The following P2RY2 variants were observed in gnomAD, a reference collection of about 807,000 sequenced individuals.
P2RY2 encodes the protein P2Y purinoceptor 2.
For synonymous variants in P2RY2, 241 were observed against 231.9 expected, an observed-to-expected ratio of 1.04 and a Z score of -0.35; for missense variants, 567 against 515.7, an observed-to-expected ratio of 1.10 and a Z score of -0.96.
Position 73,238,604 on chromosome 11 carries a change from C to T in P2RY2, c.*3311C>T, listed in dbSNP as rs1021324779. Among the ~76,000 whole-genome samples, 10 of 152,202 alleles carry T rather than the reference C, an allele frequency of 6.6e-5. No individual in the cohort carries two copies. The highest frequency in any genetic ancestry group is 1.0e-4 in the Non-Finnish European group (7 of 68,038). On this transcript the variant is annotated 3_prime_UTR_variant, in exon 3 of 3. Transcript: ENST00000393597. ...AAGTCGTGTATTGACCCATGTCCCA[C>T]GCACCCTCTCATCTATGTTATATGG...
rs933274682 is a variant in P2RY2, at chr11:73,235,489, C to A, written c.*196C>A. ...AACTGTTCCCATAACCCCTAGTCAT[C>A]GTTTGTGTGTATAAGTTGGGGGAAT... On this transcript the variant is annotated 3_prime_UTR_variant, in exon 3 of 3. Coordinates refer to ENST00000393597, the MANE Select transcript of P2RY2 (RefSeq NM_002564.4). 27 of 1,321,122 alleles carry A rather than the reference C, an allele frequency of 2.0e-5. No homozygotes were observed. In the African/African-American group the frequency reaches 3.9e-4, roughly 19 times the overall value. 81.8% of individuals were successfully genotyped at this position (1,321,122 alleles called of 1,614,324 possible). A position where few individuals can be genotyped will look rare whatever the true frequency, so the allele number is the denominator to read the frequency against.
At chr11:73,220,451 T>C (rs933391665) in intron 1 of P2RY2, among the ~76,000 whole-genome samples, 9 of 152,184 alleles carry the variant, frequency 5.9e-5, no homozygotes, top group African/African-American at 2.2e-4. Flanking sequence ...CAGGAGTTGT[T>C]TGAACCCTAA....
chr11:73,219,700 C>G (rs995331898), intron 1 of P2RY2, among the ~76,000 whole-genome samples: 6 of 152,258 alleles, frequency 3.9e-5, no homozygotes, highest in African/African-American at 1.4e-4. Flanking sequence ...TTCCAGCCAC[C>G]TCTCCCGCCT....
rs983337739 is a variant in P2RY2, at chr11:73,241,418, G to C, written c.*6125G>C. 6.6e-6 allele frequency: 1 copy of C among 152,494 alleles called. No homozygotes were observed. Among genetic ancestry groups the C allele is most frequent in the Non-Finnish European group, 1.5e-5 (1 of 68,218 alleles). 9.4% of individuals were successfully genotyped at this position (152,494 alleles called of 1,614,324 possible). On this transcript the variant is annotated 3_prime_UTR_variant, in exon 3 of 3. Coordinates refer to ENST00000393597, the MANE Select transcript of P2RY2 (RefSeq NM_002564.4). ...GTTTCTTCATCTGGAAAATTGAACT[G>C]GTAATACCAATACCTCTTTTCCCGG... is the stretch of plus-strand genomic sequence containing the variant.
At position 73,236,859 on chromosome 11, in the gene P2RY2, G is replaced by A. The variant is rs749492791; in HGVS notation, c.*1566G>A. The A allele has an allele frequency of 3.9e-4, 381 of 985,238 alleles. No homozygotes were observed. Among genetic ancestry groups the A allele is most frequent in the Middle Eastern group, 5.2e-4 (1 of 1,936 alleles). 61.0% of individuals were successfully genotyped at this position (985,238 alleles called of 1,614,324 possible). ...AGTCTAGCCAGGACCACTCTGGGCT[G>A]ACGTGTGGCGCTCAGCTGGACAGGG... On this transcript the variant is annotated 3_prime_UTR_variant, in exon 3 of 3. Coordinates refer to ENST00000393597, the MANE Select transcript of P2RY2 (RefSeq NM_002564.4).
At position 73,234,733 on chromosome 11, in the gene P2RY2, T is replaced by C; in HGVS notation, c.574T>C (p.Phe192Leu). The change falls in exon 3 of 3, where the codon TTC (phenylalanine) becomes CTC (leucine). Residue 192 changes from phenylalanine (F) to leucine (L), a missense_variant. Coordinates refer to ENST00000393597, the MANE Select transcript of P2RY2 (RefSeq NM_002564.4). ...CCACGACACCTCGGCACCCGAGCTC[T>C]TCAGCCGCTTCGTGGCCTACAGCTC... The part of the protein sequence containing the change: ...TCHDTSAPEL[F>L]SRFVAYSSVM... 6.2e-7 allele frequency: 1 copy of C among 1,610,020 alleles called. No individual in the cohort carries two copies. The highest frequency in any genetic ancestry group is 8.5e-7 in the Non-Finnish European group (1 of 1,179,776).
Position 73,236,085 on chromosome 11 carries a change from C to T in P2RY2, c.*792C>T. On this transcript the variant is annotated 3_prime_UTR_variant, in exon 3 of 3. Transcript: ENST00000393597. ...AGTCTCATATCAGGGATCCTCTCTC[C>T]AGGCCCCAGGTCATCCCCCACTGTA... The T allele has an allele frequency of 2.0e-6, 2 of 997,000 alleles. No homozygotes were observed. Among genetic ancestry groups the T allele is most frequent in the Non-Finnish European group, 2.4e-6 (2 of 827,022 alleles). The allele number at this position is 997,000 out of a possible 1,614,324, so 61.8% of individuals were successfully genotyped here.
At chr11:73,224,073 G>T (rs1164576392) in intron 1 of P2RY2, among the ~76,000 whole-genome samples, 1 of 152,184 alleles carries the variant, frequency 6.6e-6, no homozygotes, top group Non-Finnish European at 1.5e-5. Context: ...GCCTCCTGAA[G>T]GGGGTGCCTA....
chr11:73,234,802 C>A lies in P2RY2; in HGVS notation c.643C>A (p.Leu215Ile). 6.2e-7 allele frequency: 1 copy of A among 1,611,932 alleles called. No homozygotes were observed. The highest frequency in any genetic ancestry group is 8.5e-7 in the Non-Finnish European group (1 of 1,179,966). The change falls in exon 3 of 3, where the codon CTT (leucine) becomes ATT (isoleucine). Residue 215 changes from leucine (L) to isoleucine (I), a missense_variant. Leu to Ile is a conservative substitution (Grantham distance 5). Coordinates refer to ENST00000393597, the MANE Select transcript of P2RY2 (RefSeq NM_002564.4). ...LLFAVPFAVI[L>I]VCYVLMARRL... is the part of the protein sequence containing the mutation. The stretch of plus-strand genomic sequence containing the variant: ...CTTCGCGGTGCCCTTTGCCGTCATC[C>A]TTGTCTGTTACGTGCTCATGGCTCG...
Position 73,234,140 on chromosome 11 carries a change from C to A in P2RY2, c.-4-16C>A. The A allele has an allele frequency of 2.5e-6, 4 of 1,586,034 alleles. No homozygotes were observed. Among genetic ancestry groups the A allele is most frequent in the Non-Finnish European group, 3.4e-6 (4 of 1,164,106 alleles). ...CGGCCACAACCCTGATGGCCCCACCCCTCCCTTCCCTGCAGGGCGATGGCA... is the reference window on the plus strand; with the variant it reads ...CGGCCACAACCCTGATGGCCCCACCACTCCCTTCCCTGCAGGGCGATGGCA... On this transcript the variant is annotated splice_polypyrimidine_tract_variant and intron_variant, in intron 2 of 2. Coordinates refer to ENST00000393597, the MANE Select transcript of P2RY2 (RefSeq NM_002564.4).
Position 73,235,175 on chromosome 11 carries a change from G to A in P2RY2, c.1016G>A (p.Arg339His), listed in dbSNP as rs200033279. The A allele has an allele frequency of 2.5e-6, 4 of 1,610,302 alleles. No individual in the cohort carries two copies. Among genetic ancestry groups the A allele is most frequent in the East Asian group, 4.5e-5 (2 of 44,882 alleles). ...ATPARRRLGL[R>H]RSDRTDMQRI... ...CCGGCTCGCCGCAGGCTGGGCCTGC[G>A]CAGATCCGACAGAACTGACATGCAG... The change falls in exon 3 of 3, where the codon CGC (arginine) becomes CAC (histidine). Residue 339 changes from arginine to histidine, a missense_variant. Coordinates refer to ENST00000393597, the MANE Select transcript of P2RY2 (RefSeq NM_002564.4).
At position 73,235,182 on chromosome 11, in the gene P2RY2, C is replaced by G. The variant is rs754347715; in HGVS notation, c.1023C>G (p.Ser341=). ...GCCGCAGGCTGGGCCTGCGCAGATC[C>G]GACAGAACTGACATGCAGAGGATAG... The part of the protein sequence containing the change: ...PARRRLGLRR[S]DRTDMQRIED... The change falls in exon 3 of 3, where the codon TCC becomes TCG. Residue 341 remains serine (S), a synonymous_variant. Coordinates refer to ENST00000393597, the MANE Select transcript of P2RY2 (RefSeq NM_002564.4). 2.5e-6 allele frequency: 4 copies of G among 1,611,314 alleles called. No individual in the cohort carries two copies. The highest frequency in any genetic ancestry group is 1.1e-5 in the South Asian group (1 of 90,994).
Position 73,234,139 on chromosome 11 carries a change from C to CCCT in P2RY2, c.-4-14_-4-12dup, listed in dbSNP as rs1862541551. 6.3e-7 allele frequency: 1 copy of CCCT among 1,584,264 alleles called. No homozygotes were observed. The highest frequency in any genetic ancestry group is 1.3e-5 in the African/African-American group (1 of 74,590). Reference sequence around the variant, plus strand: ...CCGGCCACAACCCTGATGGCCCCACCCCTCCCTTCCCTGCAGGGCGATGGC... The same window carrying CCCT: ...CCGGCCACAACCCTGATGGCCCCACCCCTCCTCCCTTCCCTGCAGGGCGATGGC... On this transcript the variant is annotated splice_polypyrimidine_tract_variant and intron_variant, in intron 2 of 2. Transcript: ENST00000393597.
In P2RY2 at chr11:73,236,437, G is replaced by A. The variant is rs1180562099; in HGVS notation, c.*1144G>A. ...TGGATAATGCCGAGTGGCTGGGGCT[G>A]TGAGCCAGGGGGTCAGGGAAGGGTT... On this transcript the variant is annotated 3_prime_UTR_variant, in exon 3 of 3. Coordinates refer to ENST00000393597, the MANE Select transcript of P2RY2 (RefSeq NM_002564.4). 4 of 592,494 alleles carry A rather than the reference G, an allele frequency of 6.8e-6. No homozygotes were observed. Among genetic ancestry groups the A allele is most frequent in the Non-Finnish European group, 6.4e-6 (3 of 465,382 alleles). 36.7% of individuals were successfully genotyped at this position (592,494 alleles called of 1,614,324 possible). A position where few individuals can be genotyped will look rare whatever the true frequency, so the allele number is the denominator to read the frequency against.
chr11:73,237,026 C>A lies in P2RY2; in HGVS notation c.*1733C>A, dbSNP rs1268336627. 1.0e-6 allele frequency: 1 copy of A among 985,258 alleles called. No homozygotes were observed. The highest frequency in any genetic ancestry group is 1.2e-6 in the Non-Finnish European group (1 of 829,918). The allele number at this position is 985,258 out of a possible 1,614,324, so 61.0% of individuals were successfully genotyped here. A position where few individuals can be genotyped will look rare whatever the true frequency, so the allele number is the denominator to read the frequency against. ...GCCTGCCCCCTCTGACCTCTCCACC[C>A]TTCCCACTCTGCCTTGTGAAAGGCA... On this transcript the variant is annotated 3_prime_UTR_variant, in exon 3 of 3. Coordinates refer to ENST00000393597, the MANE Select transcript of P2RY2 (RefSeq NM_002564.4).
Position 73,227,965 on chromosome 11 carries a change from C to T in P2RY2, c.-199-16C>T, listed in dbSNP as rs1862327439. On this transcript the variant is annotated splice_polypyrimidine_tract_variant and intron_variant, in intron 1 of 2. Coordinates refer to ENST00000393597, the MANE Select transcript of P2RY2 (RefSeq NM_002564.4). ...GACCCTGAGACCGCACTTTCTCTAC[C>T]TCCCTCTGTCTGCAGGAGCCCCTTG... is the stretch of plus-strand genomic sequence containing the variant. 1 of 152,228 alleles carries T rather than the reference C, an allele frequency of 6.6e-6. No individual in the cohort carries two copies. The highest frequency in any genetic ancestry group is 6.5e-5 in the Admixed American group (1 of 15,290). 9.4% of individuals were successfully genotyped at this position (152,228 alleles called of 1,614,324 possible). A position where few individuals can be genotyped will look rare whatever the true frequency, so the allele number is the denominator to read the frequency against.
At chr11:73,232,425 T>C (rs1183888002) in intron 2 of P2RY2, among the ~76,000 whole-genome samples, 1 of 152,142 alleles carries the variant, frequency 6.6e-6, no homozygotes, top group African/African-American at 2.4e-5. Flanking sequence ...AACTTTTTTT[T>C]TTCTGAGACA....
In P2RY2 at chr11:73,234,557, TG is replaced by T; in HGVS notation, c.401del (p.Gly134AlafsTer48). On this transcript the variant is annotated frameshift_variant, in exon 3 of 3. Transcript: ENST00000393597. LOFTEE classifies it low-confidence loss of function (END_TRUNC). ...FLTCISVHRC[L>X]GVLRPLRSLR... ...ACCTGCATCAGCGTGCACCGGTGTCTGGGCGTCTTACGACCTCTGCGCTCCC... is the reference window on the plus strand; with the variant it reads ...ACCTGCATCAGCGTGCACCGGTGTCTGGCGTCTTACGACCTCTGCGCTCCC... The T allele has an allele frequency of 4.4e-6, 7 of 1,594,630 alleles. No homozygotes were observed. Among genetic ancestry groups the T allele is most frequent in the Non-Finnish European group, 6.0e-6 (7 of 1,169,522 alleles).
rs1049280999 is a variant in P2RY2, at chr11:73,238,632, G to C, written c.*3339G>C. Among the ~76,000 whole-genome samples, 1 of 152,168 alleles carries C rather than the reference G, an allele frequency of 6.6e-6. No homozygotes were observed. The highest frequency in any genetic ancestry group is 2.4e-5 in the African/African-American group (1 of 41,438). On this transcript the variant is annotated 3_prime_UTR_variant, in exon 3 of 3. Transcript: ENST00000393597. ...ACCCTCTCATCTATGTTATATGGTGGATGCTTCACAGAAGCCCTGGGAAGT... is the reference window on the plus strand; with the variant it reads ...ACCCTCTCATCTATGTTATATGGTGCATGCTTCACAGAAGCCCTGGGAAGT...
Sources: allele counts gnomAD v4.1 joint callset (sites outside exome capture counted in the v4.1 genomes callset), GRCh38; gene constraint gnomAD v4.1.1; transcripts MANE v1.5; gene names NCBI Gene and HGNC (gene_info 2026-07-23, HGNC 2026-07-21).